LPAR1: variants seen among roughly 807,000 people sequenced by gnomAD.
LPAR1 encodes the protein lysophosphatidic acid receptor 1.
Under a neutral mutation model 23.8 loss-of-function variants are expected in LPAR1, and 5 were observed. The ratio of observed to expected loss-of-function variants is 0.21; its 90% CI spans 0.11 to 0.44. The LOEUF (loss-of-function observed/expected upper bound fraction) is 0.44, where lower values mean the gene tolerates loss of function less well. Ranked by LOEUF, LPAR1 falls within the 20% of genes least tolerant of loss-of-function variation. LPAR1 has a pLI of 0.99. For synonymous variants in LPAR1, 160 were observed against 164.7 expected (o/e 0.97, Z 0.22); for missense variants, 311 against 482.8 (o/e 0.64, Z 3.33).
At chr9:110,895,038 A>G (rs964062714) in intron 5 of LPAR1, among the ~76,000 whole-genome samples, 4 of 152,184 alleles carry the variant, frequency 2.6e-5, no homozygotes, top group Non-Finnish European at 5.9e-5. Flanking sequence ...AAAAGAATAT[A>G]AAATGAATAT....
chr9:110,996,227 C>A (rs1302172189), intron 2 of LPAR1, among the ~76,000 whole-genome samples: 2 of 151,836 alleles, frequency 1.3e-5, no homozygotes, highest in African/African-American at 4.8e-5. Context: ...ATTTGATGAC[C>A]ACTCCAAAAA....
At chr9:110,968,427 C>CCT (rs766545986) in intron 4 of LPAR1, among the ~76,000 whole-genome samples, 69 of 149,682 alleles carry the variant, frequency 4.6e-4, no homozygotes, top group Middle Eastern at 3.5e-3. Flanking sequence ...TGCTTTGCTC[C>CCT]CTCTCTCTCT....
chr9:110,992,513 T>C (rs750793757), intron 2 of LPAR1, among the ~76,000 whole-genome samples: 2 of 152,218 alleles, frequency 1.3e-5, no homozygotes, highest in Non-Finnish European at 2.9e-5. Flanking sequence ...ATAAAGTAGT[T>C]GTCTATACAA....
intron 2 of LPAR1, among the ~76,000 whole-genome samples, chr9:110,990,604 C>T (rs907528293): frequency 6.6e-6 from 1 of 151,564 alleles, no homozygotes; most frequent in Non-Finnish European, 1.5e-5. Context: ...TAAACCAGTG[C>T]CAAAGAGGAA....
chr9:111,020,869 C>T (rs1283618702), intron 2 of LPAR1, among the ~76,000 whole-genome samples: 1 of 152,078 alleles, frequency 6.6e-6, no homozygotes, highest in Non-Finnish European at 1.5e-5. Context: ...CACCAAAACA[C>T]ACTAAGTAAA....
At chr9:110,915,007 G>A (rs1242048758) in intron 5 of LPAR1, among the ~76,000 whole-genome samples, 1 of 151,940 alleles carries the variant, frequency 6.6e-6, no homozygotes, top group Non-Finnish European at 1.5e-5. Flanking sequence ...GATAGTGAGG[G>A]CCCCTTTGTG....
rs557160595 is a variant in LPAR1 at position 110,928,476 on chromosome 9, T to C, written c.793+12945A>G. The stretch of plus-strand genomic sequence containing the variant: ...TCATCTACTGGTACTCTAGAATATA[T>C]GTATGGTGCCTTAGAAATAGTGTTT... On this transcript the variant is annotated intron_variant, in intron 5 of 5. Transcript: ENST00000683809. 2.3e-3 allele frequency among the ~76,000 whole-genome samples: 354 copies of C among 152,346 alleles called. 1 individual carries two copies. The highest frequency in any genetic ancestry group is 3.8e-3 in the Non-Finnish European group (256 of 68,030).
chr9:111,003,796 A>G (rs1258193969), intron 2 of LPAR1, among the ~76,000 whole-genome samples: 1 of 152,172 alleles, frequency 6.6e-6, no homozygotes, highest in Admixed American at 6.5e-5. Flanking sequence ...CACATATCCT[A>G]GGAATTATTC....
At chr9:110,921,290 A>C (rs2093614136) in intron 5 of LPAR1, among the ~76,000 whole-genome samples, 3 of 152,214 alleles carry the variant, frequency 2.0e-5, no homozygotes, top group African/African-American at 7.2e-5. Context: ...ATTAAAGGAA[A>C]TTATATGAAT....
chr9:110,898,028 G>T (rs1046619367), intron 5 of LPAR1, among the ~76,000 whole-genome samples: 6 of 152,166 alleles, frequency 3.9e-5, no homozygotes, highest in African/African-American at 1.4e-4. Flanking sequence ...GTCTTGACAA[G>T]TCAGATTTTC....
At chr9:110,973,941 G>A (rs1031657907) in intron 2 of LPAR1, among the ~76,000 whole-genome samples, 1 of 152,148 alleles carries the variant, frequency 6.6e-6, no homozygotes, top group Non-Finnish European at 1.5e-5. Context: ...GAGGCCAGTG[G>A]GGGCAGATCA....
chr9:111,022,146 G>C (rs1037151805), intron 2 of LPAR1, among the ~76,000 whole-genome samples: 4 of 152,094 alleles, frequency 2.6e-5, no homozygotes, highest in African/African-American at 9.7e-5. Flanking sequence ...TTTGGCCTGA[G>C]CTTGTTGGAC....
At chr9:110,876,804 T>C (rs1486866769) in intron 5 of LPAR1, among the ~76,000 whole-genome samples, 1 of 152,242 alleles carries the variant, frequency 6.6e-6, no homozygotes, top group Non-Finnish European at 1.5e-5. Context: ...ATAGATGAGA[T>C]GCTTAATTCT....
intron 5 of LPAR1, among the ~76,000 whole-genome samples, chr9:110,893,153 T>C (rs1236618358): frequency 6.6e-6 from 1 of 152,228 alleles, no homozygotes; most frequent in African/African-American, 2.4e-5. Context: ...ATACTGTTGA[T>C]AGAAGAGTCA....
Position 110,942,142 on chromosome 9 carries a change from G to A in LPAR1, c.72C>T (p.Cys24=). The A allele has an allele frequency of 6.2e-7, 1 of 1,613,594 alleles. No homozygotes were observed. Among genetic ancestry groups the A allele is most frequent in the Non-Finnish European group, 8.5e-7 (1 of 1,179,804 alleles). The part of the protein sequence containing the change: ...PQFTAMNEPQ[C]FYNESIAFFY... ...AGAAGGCAATGGACTCGTTGTAGAA[G>A]CACTGTGGTTCATTCATGGCTGTGA... The change falls in exon 5 of 6, where the codon TGC becomes TGT. Residue 24 remains cysteine (C), a synonymous_variant. Transcript: ENST00000683809.
chr9:110,952,819 G>C (rs1479604675), intron 4 of LPAR1, among the ~76,000 whole-genome samples: 1 of 152,076 alleles, frequency 6.6e-6, no homozygotes, highest in Non-Finnish European at 1.5e-5. Flanking sequence ...CCAGCACTTG[G>C]GAGCCTGAGG....
chr9:110,885,113 T>C (rs1313477964), intron 5 of LPAR1, among the ~76,000 whole-genome samples: 1 of 152,222 alleles, frequency 6.6e-6, no homozygotes, highest in Non-Finnish European at 1.5e-5. Flanking sequence ...TACTTTTGCA[T>C]AGTAATATGT....
chr9:111,023,945 A>C (rs1023521695), intron 2 of LPAR1, among the ~76,000 whole-genome samples: 2 of 152,200 alleles, frequency 1.3e-5, no homozygotes, highest in Non-Finnish European at 2.9e-5. Flanking sequence ...TGTCCCAATA[A>C]AACTCATCAC....
At chr9:110,986,630 G>T (rs2139354850) in intron 2 of LPAR1, among the ~76,000 whole-genome samples, 1 of 151,900 alleles carries the variant, frequency 6.6e-6, no homozygotes, top group South Asian at 2.1e-4. Context: ...GAAGGAATGT[G>T]AATATATGAA....
Sources: gnomAD v4.1 joint callset for allele counts (sites outside exome capture counted in the v4.1 genomes callset) on GRCh38, gnomAD v4.1.1 for gene constraint, MANE v1.5 for transcripts, NCBI Gene and HGNC (gene_info 2026-07-23, HGNC 2026-07-21) for gene names.